Variants in SORCS2 observed in about 807,000 individuals in gnomAD.
The protein encoded by SORCS2 is sortilin related VPS10 domain containing receptor 2.
In SORCS2, 100 loss-of-function variants were observed where a neutral mutation model predicts 141.6. The observed-to-expected ratio is 0.71, with a 90% CI of 0.60 to 0.83. The LOEUF (loss-of-function observed/expected upper bound fraction) is 0.83, where lower values mean the gene tolerates loss of function less well. Ranked by LOEUF, SORCS2 falls within the 40% of genes least tolerant of loss-of-function variation. The pLI is 0.00. For missense variants in SORCS2, 1,646 were observed against 1,560.2 expected (o/e 1.05, Z -0.93); for synonymous variants, 789 against 676.9 (o/e 1.17, Z -2.57).
chr4:7,598,373 G>A (rs1195915947), intron 3 of SORCS2, among the ~76,000 whole-genome samples: 2 of 152,166 alleles, frequency 1.3e-5, no homozygotes, highest in Non-Finnish European at 2.9e-5. Flanking sequence ...GAGAGGCAGG[G>A]GCTTCTGAGG....
chr4:7,214,647 A>G (rs1004125966), intron 1 of SORCS2, among the ~76,000 whole-genome samples: 4 of 152,212 alleles, frequency 2.6e-5, no homozygotes, highest in African/African-American at 9.7e-5. Context: ...CAGGGTGCTC[A>G]TAGGTCACTG....
intron 1 of SORCS2, among the ~76,000 whole-genome samples, chr4:7,290,576 G>C (rs1716533885): frequency 6.6e-6 from 1 of 152,190 alleles, no homozygotes; most frequent in Admixed American, 6.5e-5. Context: ...AAAGGAAAAG[G>C]GTTTGCAGTG....
At chr4:7,429,518 A>G (rs1012559808) in intron 2 of SORCS2, among the ~76,000 whole-genome samples, 5 of 152,264 alleles carry the variant, frequency 3.3e-5, no homozygotes, top group Admixed American at 6.5e-5. Flanking sequence ...CTGTAAAAAT[A>G]TAACAATGAA....
chr4:7,639,852 AGGGTGTGTGT>A (rs1720540040), intron 4 of SORCS2, among the ~76,000 whole-genome samples: 1 of 144,342 alleles, frequency 6.9e-6, no homozygotes. Flanking sequence ...TGTGGGTGTG[AGGGTGTGTGT>A]GATTGCGTGT....
chr4:7,299,676 T>G (rs996958807), intron 1 of SORCS2, among the ~76,000 whole-genome samples: 1 of 152,200 alleles, frequency 6.6e-6, no homozygotes, highest in Non-Finnish European at 1.5e-5. Context: ...TGTCCTATTA[T>G]CTGAAAACAA....
intron 2 of SORCS2, among the ~76,000 whole-genome samples, chr4:7,421,943 C>A (rs995052180): frequency 6.7e-6 from 1 of 148,432 alleles, no homozygotes; most frequent in Non-Finnish European, 1.5e-5. Flanking sequence ...CTCCCTCCCC[C>A]ATGGTCGACC....
chr4:7,231,674 C>T (rs945343899), intron 1 of SORCS2, among the ~76,000 whole-genome samples: 2 of 152,220 alleles, frequency 1.3e-5, no homozygotes, highest in African/African-American at 4.8e-5. Context: ...CATCCTGCAC[C>T]AGGGGCCAGG....
intron 1 of SORCS2, among the ~76,000 whole-genome samples, chr4:7,372,729 C>G (rs1305893576): frequency 6.6e-6 from 1 of 152,174 alleles, no homozygotes; most frequent in African/African-American, 2.4e-5. Context: ...CCCCTGTGCC[C>G]TTTGTGGTCA....
intron 1 of SORCS2, among the ~76,000 whole-genome samples, chr4:7,265,813 T>A (rs1390857844): frequency 6.6e-6 from 1 of 152,196 alleles, no homozygotes; most frequent in African/African-American, 2.4e-5. Flanking sequence ...GGACATCTCT[T>A]CCTGGGGGCT....
At chr4:7,246,239 G>C (rs1402914114) in intron 1 of SORCS2, among the ~76,000 whole-genome samples, 4 of 152,202 alleles carry the variant, frequency 2.6e-5, no homozygotes, top group Non-Finnish European at 5.9e-5. Flanking sequence ...TGTTCCCCTG[G>C]ATTCTGGGTA....
At chr4:7,487,222 G>T (rs1023972810) in intron 2 of SORCS2, among the ~76,000 whole-genome samples, 2 of 152,242 alleles carry the variant, frequency 1.3e-5, no homozygotes, top group Non-Finnish European at 2.9e-5. Context: ...AAAGCCACTG[G>T]CATTGATCAG....
At chr4:7,325,238 C>G (rs528869664) in intron 1 of SORCS2, among the ~76,000 whole-genome samples, 1 of 152,226 alleles carries the variant, frequency 6.6e-6, no homozygotes, top group African/African-American at 2.4e-5. Context: ...AAAGGCACTT[C>G]AGGTGTGGCT....
chr4:7,678,849 G>A (rs566119139), intron 9 of SORCS2, among the ~76,000 whole-genome samples: 3 of 152,352 alleles, frequency 2.0e-5, no homozygotes, highest in Admixed American at 2.0e-4. Context: ...TATTTGCTGT[G>A]TGGCCGTAGG....
At chr4:7,398,220 C>T (rs1212705201) in intron 2 of SORCS2, among the ~76,000 whole-genome samples, 2 of 152,170 alleles carry the variant, frequency 1.3e-5, no homozygotes, top group Non-Finnish European at 2.9e-5. Flanking sequence ...AAACCACTTA[C>T]AGGCTCCAGA....
At chr4:7,348,098 TA>T (rs1479891867) in intron 1 of SORCS2, among the ~76,000 whole-genome samples, 2 of 91,062 alleles carry the variant, frequency 2.2e-5, no homozygotes, top group Non-Finnish European at 4.6e-5. Flanking sequence ...AAGATAGAGT[TA>T]ATTAAGAGAG....
intron 1 of SORCS2, among the ~76,000 whole-genome samples, chr4:7,317,781 G>A (rs1182223020): frequency 6.6e-6 from 1 of 152,202 alleles, no homozygotes; most frequent in African/African-American, 2.4e-5. Context: ...CCATCTGAAG[G>A]TGAGAAGGGG....
At chr4:7,337,256 T>C (rs1178061719) in intron 1 of SORCS2, among the ~76,000 whole-genome samples, 4 of 152,118 alleles carry the variant, frequency 2.6e-5, no homozygotes, top group Non-Finnish European at 5.9e-5. Flanking sequence ...CGGGGCCTTA[T>C]GGGGAGACCT....
At chr4:7,541,333 G>T (rs1433319730) in intron 3 of SORCS2, among the ~76,000 whole-genome samples, 1 of 152,262 alleles carries the variant, frequency 6.6e-6, no homozygotes, top group African/African-American at 2.4e-5. Context: ...ACATGCTGGG[G>T]CTGCCACCAT....
chr4:7,400,528 T>G (rs573083512), intron 2 of SORCS2, among the ~76,000 whole-genome samples: 2 of 151,388 alleles, frequency 1.3e-5, no homozygotes, highest in South Asian at 2.1e-4. Context: ...GATGGAGACC[T>G]GCCAGGTTTA....
Sources: allele counts gnomAD v4.1 joint callset (sites outside exome capture counted in the v4.1 genomes callset), GRCh38; gene constraint gnomAD v4.1.1; transcripts MANE v1.5; gene names NCBI Gene and HGNC (gene_info 2026-07-23, HGNC 2026-07-21).